IGFBP1: variants seen among roughly 807,000 people sequenced by gnomAD.
IGFBP1 encodes the protein insulin-like growth factor-binding protein 1.
IGFBP1 carries 31 observed loss-of-function variants against 23.1 expected under a neutral mutation model. The observed-to-expected ratio is 1.34, with a 90% confidence interval of 1.01 to 1.81. IGFBP1 has a LOEUF of 1.81. Among genes scored for constraint, IGFBP1 ranks in the 40% most tolerant of loss-of-function variants. The pLI is 0.00. For missense variants in IGFBP1, 333 were observed against 342.2 expected (o/e 0.97, Z 0.21); for synonymous variants, 148 against 145.5 (o/e 1.02, Z -0.13).
chr7:45,892,674 G>A (rs768185347), intron 3 of IGFBP1, among the ~76,000 whole-genome samples: 17 of 152,170 alleles, frequency 1.1e-4, no homozygotes, highest in Non-Finnish European at 1.9e-4. Flanking sequence ...CTCTGGGTTG[G>A]GCTCCCCTGA....
Position 45,892,027 on chromosome 7 carries a change from C to G in IGFBP1, c.615C>G (p.Asn205Lys). The G allele has an allele frequency of 6.2e-7, 1 of 1,614,238 alleles. No individual in the cohort carries two copies. ...GEEISKFYLP[N>K]CNKNGFYHSR... ...AAATTTCCAAATTTTACCTGCCAAA[C>G]TGCAACAAGAATGGATTTTATCACA... The change falls in exon 3 of 4, where the codon AAC (asparagine) becomes AAG (lysine). Residue 205 changes from asparagine to lysine, a missense_variant. Transcript: ENST00000275525.
rs143905595 is a variant in IGFBP1, at chr7:45,890,681, G to A, written c.483G>A (p.Ser161=). The change falls in exon 2 of 4, where the codon TCG becomes TCA. Residue 161 remains serine (S), a synonymous_variant. Coordinates refer to ENST00000275525, the MANE Select transcript of IGFBP1 (RefSeq NM_000596.4). ...LWDAISTYDG[S]KALHVTNIKK... is the part of the protein sequence containing the mutation. ...ACGCCATCAGTACCTATGATGGCTCGAAGGCTCTCCATGTCACCAACATCA... is the reference window on the plus strand; with the variant it reads ...ACGCCATCAGTACCTATGATGGCTCAAAGGCTCTCCATGTCACCAACATCA... The A allele has an allele frequency of 6.2e-5, 100 of 1,610,992 alleles. No individual in the cohort carries two copies. The African/African-American group carries it at 1.2e-3, about 19-fold the overall frequency.
At position 45,891,913 on chromosome 7, in the gene IGFBP1, T is replaced by A. The variant is rs375773835; in HGVS notation, c.520-19T>A. 2.4e-5 allele frequency: 39 copies of A among 1,604,330 alleles called. No homozygotes were observed. The highest frequency in any genetic ancestry group is 1.1e-5 in the South Asian group (1 of 89,858). ...CACTGTGTCTTGTTAGATATGCTAA[T>A]GTCAAGTTATTCTCTTAGGAGCCCT... On this transcript the variant is annotated intron_variant, in intron 2 of 3. Transcript: ENST00000275525.
At position 45,890,729 on chromosome 7, in the gene IGFBP1, C is replaced by G; in HGVS notation, c.519+12C>G. The G allele has an allele frequency of 6.3e-7, 1 of 1,589,326 alleles. No homozygotes were observed. The highest frequency in any genetic ancestry group is 8.6e-7 in the Non-Finnish European group (1 of 1,167,722). Reference sequence around the variant, plus strand: ...TCAAAAAATGGAAGGTGAGGCCCAGCAGGTGGGTGGTGGGAACTCTCCTGT... The same window carrying G: ...TCAAAAAATGGAAGGTGAGGCCCAGGAGGTGGGTGGTGGGAACTCTCCTGT... On this transcript the variant is annotated intron_variant, in intron 2 of 3. Coordinates refer to ENST00000275525, the MANE Select transcript of IGFBP1 (RefSeq NM_000596.4).
At chr7:45,889,897 T>C (rs958460869) in intron 1 of IGFBP1, among the ~76,000 whole-genome samples, 2 of 152,192 alleles carry the variant, frequency 1.3e-5, no homozygotes, top group Non-Finnish European at 2.9e-5. Flanking sequence ...GTCTCACTGA[T>C]CCTCAAGGAG....
chr7:45,888,637 C>T lies in IGFBP1; in HGVS notation c.-16C>T. Reference sequence around the variant, plus strand: ...CCCAGAGAGCATCGGCCCCTGTCTGCTGCTCGCGCCTGGAGATGTCAGAGG... The same window carrying T: ...CCCAGAGAGCATCGGCCCCTGTCTGTTGCTCGCGCCTGGAGATGTCAGAGG... On this transcript the variant is annotated 5_prime_UTR_variant, in exon 1 of 4. Transcript: ENST00000275525. 6.3e-7 allele frequency: 1 copy of T among 1,587,534 alleles called. No homozygotes were observed. The highest frequency in any genetic ancestry group is 1.1e-5 in the South Asian group (1 of 89,096).
In IGFBP1 at chr7:45,891,667, G is replaced by T. The variant is rs550571144; in HGVS notation, c.520-265G>T. On this transcript the variant is annotated intron_variant, in intron 2 of 3. Coordinates refer to ENST00000275525, the MANE Select transcript of IGFBP1 (RefSeq NM_000596.4). The stretch of plus-strand genomic sequence containing the variant: ...GGTGTTGGTGAGGCTCTTGCCAGGG[G>T]ATGTCTCTGTGCAGGTGTTGAGAGA... 5.3e-5 allele frequency among the ~76,000 whole-genome samples: 8 copies of T among 152,286 alleles called. No individual in the cohort carries two copies. In the East Asian group the frequency reaches 1.6e-3, roughly 30 times the overall value.
At position 45,889,568 on chromosome 7, in the gene IGFBP1, C is replaced by T. The variant is rs9658200; in HGVS notation, c.349+567C>T. The stretch of plus-strand genomic sequence containing the variant: ...GTGAGAGTTGAGGCTAAAAGCTTCA[C>T]TTCCATTCATTGCCATAGAAAAACA... On this transcript the variant is annotated intron_variant, in intron 1 of 3. Coordinates refer to ENST00000275525, the MANE Select transcript of IGFBP1 (RefSeq NM_000596.4). Among the ~76,000 whole-genome samples the T allele has an allele frequency of 4.0e-4, 61 of 152,372 alleles. 1 individual carries two copies. The South Asian group carries it at 0.012, about 31-fold the overall frequency.
intron 3 of IGFBP1, among the ~76,000 whole-genome samples, 168 bp downstream of exon 3, chr7:45,892,228 A>T (rs1304970354): frequency 6.6e-6 from 1 of 152,206 alleles, no homozygotes; most frequent in Non-Finnish European, 1.5e-5. Flanking sequence ...AGCTAGGTGA[A>T]GAAAGCCTAT....
intron 1 of IGFBP1, among the ~76,000 whole-genome samples, chr7:45,889,567 A>G (rs924047530): frequency 6.6e-6 from 1 of 152,246 alleles, no homozygotes; most frequent in African/African-American, 2.4e-5. Context: ...TAAAAGCTTC[A>G]CTTCCATTCA....
rs1787125084 is a variant in IGFBP1, at chr7:45,893,568, G to A, written c.*477G>A. 1 of 151,662 alleles carries A rather than the reference G, an allele frequency of 6.6e-6. No homozygotes were observed. The highest frequency in any genetic ancestry group is 1.5e-5 in the Non-Finnish European group (1 of 67,922). The allele number at this position is 151,662 out of a possible 1,614,324, so 9.4% of individuals were successfully genotyped here. A position where few individuals can be genotyped will look rare whatever the true frequency, so the allele number is the denominator to read the frequency against. On this transcript the variant is annotated 3_prime_UTR_variant, in exon 4 of 4. Transcript: ENST00000275525. ...TGATTACATAATCAAAGCTACCTGT[G>A]GTGATGTTGCCACCTGTTAAAATGT...
Position 45,888,540 on chromosome 7 carries a change from C to T in IGFBP1, c.-113C>T, listed in dbSNP as rs528191921. On this transcript the variant is annotated 5_prime_UTR_variant, in exon 1 of 4. Transcript: ENST00000275525. ...GCATCTGCCGCCGCGCCGCCGCCAC[C>T]CTCCCAGAGAGCACTGGCCACCGCT... is the stretch of plus-strand genomic sequence containing the variant. 67 of 888,156 alleles carry T rather than the reference C, an allele frequency of 7.5e-5. 1 individual carries two copies. The East Asian group carries it at 1.2e-3, about 15-fold the overall frequency. The allele number at this position is 888,156 out of a possible 1,614,324, so 55.0% of individuals were successfully genotyped here. A position where few individuals can be genotyped will look rare whatever the true frequency, so the allele number is the denominator to read the frequency against.
chr7:45,889,997 G>T (rs1787054229), intron 1 of IGFBP1, among the ~76,000 whole-genome samples: 1 of 152,202 alleles, frequency 6.6e-6, no homozygotes, highest in South Asian at 2.1e-4. Flanking sequence ...TCTTGCCATG[G>T]GGGTGGAGGG....
At position 45,888,572 on chromosome 7, in the gene IGFBP1, TC is replaced by T. The variant is rs1787015343; in HGVS notation, c.-80del. 8.2e-7 allele frequency: 1 copy of T among 1,225,228 alleles called. No homozygotes were observed. Among genetic ancestry groups the T allele is most frequent in the African/African-American group, 1.5e-5 (1 of 66,694 alleles). 75.9% of individuals were successfully genotyped at this position (1,225,228 alleles called of 1,614,324 possible). A position where few individuals can be genotyped will look rare whatever the true frequency, so the allele number is the denominator to read the frequency against. ...GAGAGCACTGGCCACCGCTCCACCA[TC>T]ACTTGCCCAGAGTTTGGGCCACCGC... On this transcript the variant is annotated 5_prime_UTR_variant, in exon 1 of 4. Transcript: ENST00000275525.
At chr7:45,889,048 C>G (rs9658192) in intron 1 of IGFBP1, 47 bp downstream of exon 1, 79,913 of 1,384,474 alleles carry the variant, frequency 0.058, 2,511 homozygotes, top group Admixed American at 0.082. Context: ...CGCCCGCCCC[C>G]GCCCGGCACC....
intron 1 of IGFBP1, 38 bp downstream of exon 1, chr7:45,889,039 G>C (rs576070701): frequency 7.1e-7 from 1 of 1,412,086 alleles, no homozygotes. Context: ...ACCTCCTGCC[G>C]CCCGCCCCCG....
In IGFBP1 at chr7:45,892,965, G is replaced by A. The variant is rs368307845; in HGVS notation, c.654G>A (p.Glu218=). 2.5e-6 allele frequency: 4 copies of A among 1,612,194 alleles called. No homozygotes were observed. Among genetic ancestry groups the A allele is most frequent in the East Asian group, 2.2e-5 (1 of 44,864 alleles). The change falls in exon 4 of 4, where the codon GAG becomes GAA. Residue 218 remains glutamate, a synonymous_variant. Transcript: ENST00000275525. ...KNGFYHSRQC[E]TSMDGEAGLC... ...CCTTGGTCTTGTCTTTGCAGTGTGA[G>A]ACATCCATGGATGGAGAGGCGGGAC...
Position 45,892,052 on chromosome 7 carries a change from A to G in IGFBP1, c.640A>G (p.Ser214Gly), listed in dbSNP as rs1787088418. ...CTGCAACAAGAATGGATTTTATCAC[A>G]GCAGACAGGTAGGTGGCCTTGCCAG... ...PNCNKNGFYHSRQCETSMDGE... is the reference protein window; with the variant it reads ...PNCNKNGFYHGRQCETSMDGE... Residue 214 changes from serine (S) to glycine (G), a missense_variant, in exon 3 of 4, where the codon AGC becomes GGC. Transcript: ENST00000275525. 2 of 1,614,204 alleles carry G rather than the reference A, an allele frequency of 1.2e-6. No homozygotes were observed. The highest frequency in any genetic ancestry group is 1.7e-6 in the Non-Finnish European group (2 of 1,180,032).
At chr7:45,889,607 A>ATGT (rs1787045127) in intron 1 of IGFBP1, among the ~76,000 whole-genome samples, 1 of 152,232 alleles carries the variant, frequency 6.6e-6, no homozygotes, top group African/African-American at 2.4e-5. Flanking sequence ...TTTGATGTGT[A>ATGT]TGTTGCCCCC....
Sources: allele counts gnomAD v4.1 joint callset (sites outside exome capture counted in the v4.1 genomes callset), GRCh38; gene constraint gnomAD v4.1.1; transcripts MANE v1.5; gene names NCBI Gene and HGNC (gene_info 2026-07-23, HGNC 2026-07-21).